Variants in WDR44 observed in about 807,000 individuals in gnomAD.
WDR44 encodes WD repeat domain 44.
In WDR44, 9 loss-of-function variants were observed where a neutral mutation model predicts 65.7. The observed-to-expected ratio is 0.14, with a 90% CI of 0.08 to 0.24. WDR44 has a LOEUF of 0.24. Ranked by LOEUF, WDR44 falls within the 10% of genes least tolerant of loss-of-function variation. WDR44 has a pLI of 1.00. For synonymous variants in WDR44, 220 were observed against 235.2 expected (o/e 0.94, Z 0.59); for missense variants, 425 against 670.9 (o/e 0.63, Z 4.05).
At chrX:118,418,485 G>A (rs950465298) in intron 12 of WDR44, among the ~76,000 whole-genome samples, 2 of 111,292 alleles carry the variant, frequency 1.8e-5, no homozygotes, top group Admixed American at 9.6e-5. Flanking sequence ...AGTCTACCCA[G>A]CTCTGAGCTG....
intron 14 of WDR44, among the ~76,000 whole-genome samples, chrX:118,437,401 G>A (rs1226934084): frequency 1.8e-5 from 2 of 111,711 alleles, no homozygotes; most frequent in Non-Finnish European, 1.9e-5. Flanking sequence ...GCCCTTAGAG[G>A]ATGGAGCCAC....
At chrX:118,441,313 T>C in intron 14 of WDR44, 55 bp from the exon 15 acceptor site, 1 of 1,052,208 alleles carries the variant, frequency 9.5e-7, no homozygotes, top group African/African-American at 1.9e-5. Flanking sequence ...GATTTGCTAA[T>C]GAGTTTTTTC....
In WDR44 at chrX:118,440,577, T is replaced by C. The variant is rs761516948; in HGVS notation, c.1975-791T>C. 4.3e-4 allele frequency among the ~76,000 whole-genome samples: 48 copies of C among 111,204 alleles called. 1 individual carries two copies. Among genetic ancestry groups the C allele is most frequent in the African/African-American group, 1.5e-3 (46 of 30,626 alleles). ...GTATGATATAGGATAGTGTTTCCCA[T>C]AGCATGTTCCTGAAAGGTCTAGCAC... On this transcript the variant is annotated intron_variant, in intron 14 of 19. Transcript: ENST00000254029.
intron 14 of WDR44, among the ~76,000 whole-genome samples, chrX:118,439,795 A>G (rs1286547718): frequency 9.4e-6 from 1 of 106,128 alleles, no homozygotes; most frequent in African/African-American, 3.5e-5. Context: ...GGGCAGGGGG[A>G]TTTGGGGTGG....
At chrX:118,350,357 G>A (rs1019485003) in intron 1 of WDR44, among the ~76,000 whole-genome samples, 1 of 111,500 alleles carries the variant, frequency 9.0e-6, no homozygotes, top group Non-Finnish European at 1.9e-5. Flanking sequence ...TTCTGCTACT[G>A]GGCTGTCTTT....
chrX:118,348,431 A>G (rs1287326661), intron 1 of WDR44, among the ~76,000 whole-genome samples: 3 of 112,192 alleles, frequency 2.7e-5, no homozygotes, highest in Non-Finnish European at 5.6e-5. Context: ...GTGAAAACTG[A>G]AAAAGGTTTT....
At chrX:118,441,599 T>C in intron 15 of WDR44, 40 bp downstream of exon 15, 1 of 1,100,957 alleles carries the variant, frequency 9.1e-7, no homozygotes, top group South Asian at 2.3e-5. Context: ...ATTGTATACT[T>C]AGTAAACACT....
intron 8 of WDR44, among the ~76,000 whole-genome samples, chrX:118,400,192 T>G (rs1232617106): frequency 1.8e-5 from 2 of 110,717 alleles, no homozygotes; most frequent in Non-Finnish European, 3.8e-5. Flanking sequence ...TAATAGTATT[T>G]GCACTGAATG....
At chrX:118,442,801 A>C (rs1271282336) in intron 17 of WDR44, 121 bp downstream of exon 17, 11 of 518,227 alleles carry the variant, frequency 2.1e-5, no homozygotes, top group Non-Finnish European at 3.6e-5. Context: ...GTAGTAGTTT[A>C]TTATCATGCA....
intron 14 of WDR44, among the ~76,000 whole-genome samples, chrX:118,440,120 CAA>C (rs36033722): frequency 3.1e-4 from 21 of 68,645 alleles, no homozygotes; most frequent in Non-Finnish European, 2.7e-4. Flanking sequence ...ACCCCATCAC[CAA>C]AAAAAAAAAA....
chrX:118,401,444 G>T (rs2056914094), intron 8 of WDR44, among the ~76,000 whole-genome samples: 1 of 79,215 alleles, frequency 1.3e-5, no homozygotes, highest in African/African-American at 5.6e-5. Flanking sequence ...TTTTTCATGT[G>T]TTTTTTGGCT....
intron 12 of WDR44, among the ~76,000 whole-genome samples, chrX:118,419,911 C>G (rs2057089778): frequency 9.0e-6 from 1 of 111,509 alleles, no homozygotes; most frequent in Admixed American, 9.6e-5. Context: ...CACAAACCTG[C>G]TTCTCCTCAC....
chrX:118,348,446 G>C (rs1160461651), intron 1 of WDR44, among the ~76,000 whole-genome samples: 1 of 111,692 alleles, frequency 9.0e-6, no homozygotes, highest in Admixed American at 9.5e-5. Flanking sequence ...GGTTTTTTTG[G>C]AACTCAGCTT....
intron 1 of WDR44, among the ~76,000 whole-genome samples, chrX:118,370,409 C>T (rs961284709): frequency 9.1e-5 from 10 of 109,820 alleles, no homozygotes; most frequent in East Asian, 5.7e-4. Flanking sequence ...CCTGAGTTCA[C>T]GCAAGATCTG....
At position 118,448,997 on chromosome X, in the gene WDR44, G is replaced by T; in HGVS notation, c.*10G>T. The T allele has an allele frequency of 9.0e-7, 1 of 1,109,707 alleles. No homozygotes were observed. The highest frequency in any genetic ancestry group is 1.2e-6 in the Non-Finnish European group (1 of 812,918). The allele number at this position is 1,109,707 out of a possible 1,213,427, so 91.5% of individuals were successfully genotyped here. A position where few individuals can be genotyped will look rare whatever the true frequency, so the allele number is the denominator to read the frequency against. The stretch of plus-strand genomic sequence containing the variant: ...AAAAAATGTATCTTAATTTGAAATG[G>T]CATTTAAAATAAACATATCAGTAAG... On this transcript the variant is annotated 3_prime_UTR_variant, in exon 20 of 20. Transcript: ENST00000254029.
intron 1 of WDR44, among the ~76,000 whole-genome samples, chrX:118,348,212 A>G (rs1005706329): frequency 2.7e-5 from 3 of 112,261 alleles, no homozygotes; most frequent in Non-Finnish European, 3.8e-5. Flanking sequence ...GCACAGAGAA[A>G]GCATTCAAAA....
chrX:118,404,208 C>T (rs1321778809), intron 8 of WDR44, 130 bp from the exon 9 acceptor site: 3 of 446,951 alleles, frequency 6.7e-6, no homozygotes, highest in Non-Finnish European at 1.2e-5. Context: ...GGAACTCAAA[C>T]ACCTATTATT....
chrX:118,364,711 A>C (rs1173286979), intron 1 of WDR44, among the ~76,000 whole-genome samples: 1 of 112,185 alleles, frequency 8.9e-6, no homozygotes, highest in Non-Finnish European at 1.9e-5. Flanking sequence ...TAGAAATAGA[A>C]ACAAGACCAC....
intron 1 of WDR44, among the ~76,000 whole-genome samples, chrX:118,364,486 T>C (rs1249551517): frequency 8.9e-6 from 1 of 112,298 alleles, no homozygotes; most frequent in East Asian, 2.8e-4. Context: ...ATTGAAATTA[T>C]GTGTTATATT....
Sources: gnomAD v4.1 joint callset for allele counts (sites outside exome capture counted in the v4.1 genomes callset) on GRCh38, gnomAD v4.1.1 for gene constraint, MANE v1.5 for transcripts, NCBI Gene and HGNC (gene_info 2026-07-23, HGNC 2026-07-21) for gene names.